SPAG16: variants seen among roughly 807,000 people sequenced by gnomAD.
The protein encoded by SPAG16 is sperm associated antigen 16.
A neutral mutation model predicts 80.4 loss-of-function variants in SPAG16; 86 were observed. The observed-to-expected ratio is 1.07, with a 90% CI of 0.90 to 1.28. SPAG16 has a LOEUF of 1.28. Among genes scored for constraint, SPAG16 ranks in the 50% most tolerant of loss-of-function variants. The pLI is 0.00. For missense variants in SPAG16, 870 were observed against 765.3 expected (o/e 1.14, Z -1.61); for synonymous variants, 294 against 265.9 (o/e 1.11, Z -1.03).
At chr2:214,097,932 T>C (rs1297367423) in intron 13 of SPAG16, among the ~76,000 whole-genome samples, 3 of 152,040 alleles carry the variant, frequency 2.0e-5, no homozygotes, top group African/African-American at 7.2e-5. Context: ...GTAGATACTA[T>C]ATTATTTCTA....
intron 15 of SPAG16, among the ~76,000 whole-genome samples, chr2:214,250,694 AATAT>A (rs1160580004): frequency 6.9e-6 from 1 of 144,478 alleles, no homozygotes; most frequent in Non-Finnish European, 1.5e-5. Flanking sequence ...TATATAAAGA[AATAT>A]ATATAATTTA....
chr2:214,146,857 G>T (rs1466403440), intron 14 of SPAG16, among the ~76,000 whole-genome samples: 1 of 151,946 alleles, frequency 6.6e-6, no homozygotes. Flanking sequence ...AAAATTAGCC[G>T]GGTGTGGTGG....
At chr2:213,921,993 A>G (rs974537455) in intron 11 of SPAG16, among the ~76,000 whole-genome samples, 2 of 152,120 alleles carry the variant, frequency 1.3e-5, no homozygotes, top group African/African-American at 4.8e-5. Context: ...TCTGATGATT[A>G]TGTGTCTTGG....
At chr2:213,361,677 ACT>A (rs112018615) in intron 7 of SPAG16, among the ~76,000 whole-genome samples, 32,832 of 150,794 alleles carry the variant, frequency 0.22, 4,413 homozygotes, top group Non-Finnish European at 0.31. Flanking sequence ...AGAAAAAAAA[ACT>A]CAACATAATA....
chr2:213,867,758 T>TA lies in SPAG16; in HGVS notation c.1214+5135dup, dbSNP rs373078606. Among the ~76,000 whole-genome samples, 935 of 98,494 alleles carry TA rather than the reference T, an allele frequency of 9.5e-3. 6 individuals carry two copies. The highest frequency in any genetic ancestry group is 0.016 in the Non-Finnish European group (630 of 39,870). The allele number at this position is 98,494 out of a possible 152,430, so 64.6% of individuals were successfully genotyped here. Reference sequence around the variant, plus strand: ...TAACACGGTGAATCCCCGTCTCCACTAAAAATACAAAAAAAAATAGCCGGG... The same window carrying TA: ...TAACACGGTGAATCCCCGTCTCCACTAAAAAATACAAAAAAAAATAGCCGGG... On this transcript the variant is annotated intron_variant, in intron 11 of 15. Coordinates refer to ENST00000331683, the MANE Select transcript of SPAG16 (RefSeq NM_024532.5).
Position 213,468,656 on chromosome 2 carries a change from TTG to T in SPAG16, c.943-21293_943-21292del, listed in dbSNP as rs200112078. On this transcript the variant is annotated intron_variant, in intron 9 of 15. Coordinates refer to ENST00000331683, the MANE Select transcript of SPAG16 (RefSeq NM_024532.5). ...AAAATAATATCTCCTATATCTCCTA[TTG>T]TGTGTGTGTGTGTATATATATGTGT... 7.5e-4 allele frequency among the ~76,000 whole-genome samples: 107 copies of T among 141,806 alleles called. 1 individual carries two copies. Among genetic ancestry groups the T allele is most frequent in the Middle Eastern group, 3.7e-3 (1 of 268 alleles). The allele number at this position is 141,806 out of a possible 152,430, so 93.0% of individuals were successfully genotyped here. A position where few individuals can be genotyped will look rare whatever the true frequency, so the allele number is the denominator to read the frequency against.
At chr2:214,371,680 T>C (rs1474176233) in intron 15 of SPAG16, among the ~76,000 whole-genome samples, 1 of 81,176 alleles carries the variant, frequency 1.2e-5, no homozygotes, top group Non-Finnish European at 2.7e-5. Context: ...TAGTTATAGA[T>C]AATAATTTTT....
At chr2:213,603,491 T>C (rs544242198) in intron 10 of SPAG16, among the ~76,000 whole-genome samples, 30 of 152,348 alleles carry the variant, frequency 2.0e-4, no homozygotes, top group African/African-American at 7.0e-4. Context: ...AATTTTTGTC[T>C]CACTGAGGGA....
At chr2:213,339,026 A>T (rs2064535502) in intron 5 of SPAG16, among the ~76,000 whole-genome samples, 1 of 1,288 alleles carries the variant, frequency 7.8e-4, no homozygotes, top group Non-Finnish European at 8.5e-3. Context: ...CCAGAACTTA[A>T]AAAAAAAAAA....
chr2:213,800,532 TG>T (rs2071331921), intron 10 of SPAG16, among the ~76,000 whole-genome samples: 1 of 152,120 alleles, frequency 6.6e-6, no homozygotes, highest in South Asian at 2.1e-4. Flanking sequence ...CATGCTCGTT[TG>T]TTTTGATTTT....
At chr2:213,588,838 A>AAAAAAAAAAAAC (rs2060574146) in intron 10 of SPAG16, among the ~76,000 whole-genome samples, 1 of 146,400 alleles carries the variant, frequency 6.8e-6, no homozygotes, top group Non-Finnish European at 1.5e-5. Context: ...AAAAAAAAAA[A>AAAAAAAAAAAAC]AAAAAGACTC....
At chr2:214,014,403 G>A (rs1315032657) in intron 13 of SPAG16, among the ~76,000 whole-genome samples, 1 of 152,202 alleles carries the variant, frequency 6.6e-6, no homozygotes, top group Non-Finnish European at 1.5e-5. Context: ...GCTAGGTAAA[G>A]GAAGAGAAAC....
At chr2:213,574,650 CATATATATGATATATG>C (rs1161311848) in intron 10 of SPAG16, among the ~76,000 whole-genome samples, 1 of 143,482 alleles carries the variant, frequency 7.0e-6, no homozygotes, top group Non-Finnish European at 1.5e-5. Context: ...AGATATATAT[CATATATATGATATATG>C]ATATATATAT....
chr2:213,803,023 G>A (rs2071516140), intron 10 of SPAG16, among the ~76,000 whole-genome samples: 1 of 148,476 alleles, frequency 6.7e-6, no homozygotes, highest in South Asian at 2.1e-4. Flanking sequence ...ATCTTTTGGA[G>A]TTTTTTTTTT....
intron 15 of SPAG16, among the ~76,000 whole-genome samples, chr2:214,379,644 C>G (rs937200194): frequency 8.5e-5 from 13 of 152,322 alleles, no homozygotes; most frequent in Non-Finnish European, 1.8e-4. Context: ...GGAAAGATCC[C>G]TCTAGACTAG....
At chr2:213,771,427 C>G (rs2069242029) in intron 10 of SPAG16, among the ~76,000 whole-genome samples, 2 of 152,026 alleles carry the variant, frequency 1.3e-5, no homozygotes, top group East Asian at 3.9e-4. Flanking sequence ...ATGATGGTTT[C>G]TTTTGCTGTG....
At chr2:214,303,652 A>G (rs537262291) in intron 15 of SPAG16, among the ~76,000 whole-genome samples, 33 of 152,300 alleles carry the variant, frequency 2.2e-4, no homozygotes, top group African/African-American at 7.5e-4. Context: ...TTTCTTGTGT[A>G]TGATAACAAC....
chr2:213,836,229 C>T (rs912343918), intron 10 of SPAG16, among the ~76,000 whole-genome samples: 4 of 135,858 alleles, frequency 2.9e-5, no homozygotes, highest in Non-Finnish European at 4.7e-5. Context: ...TTGTGGATAT[C>T]AGATGTTATA....
chr2:214,181,805 T>C (rs969473701), intron 15 of SPAG16, among the ~76,000 whole-genome samples: 1 of 151,674 alleles, frequency 6.6e-6, no homozygotes, highest in Non-Finnish European at 1.5e-5. Flanking sequence ...GTGTAAACAA[T>C]AGGAAAAAGA....
Sources: gnomAD v4.1 joint callset for allele counts (sites outside exome capture counted in the v4.1 genomes callset) on GRCh38, gnomAD v4.1.1 for gene constraint, MANE v1.5 for transcripts, NCBI Gene and HGNC (gene_info 2026-07-23, HGNC 2026-07-21) for gene names.